Variants in ARHGEF17 observed in about 807,000 individuals in gnomAD.
ARHGEF17 encodes the protein Rho guanine nucleotide exchange factor 17.
ARHGEF17 carries 80 observed loss-of-function variants against 174.0 expected under a neutral mutation model. That is an observed-to-expected ratio of 0.46 (90% CI 0.38 to 0.55). ARHGEF17 has a LOEUF of 0.55. ARHGEF17 is among the 20% of genes least tolerant of loss of function. ARHGEF17 has a pLI of 0.00. For missense variants in ARHGEF17, 2,886 were observed against 2,839.7 expected (o/e 1.02, Z -0.37); for synonymous variants, 1,311 against 1,189.1 (o/e 1.10, Z -2.11).
chr11:73,354,678 C>T (rs1009277005), intron 3 of ARHGEF17, among the ~76,000 whole-genome samples: 14 of 150,058 alleles, frequency 9.3e-5, no homozygotes, highest in African/African-American at 3.4e-4. Flanking sequence ...CGTGCCATTG[C>T]ACACTCCAGC....
rs750712518 is a variant in ARHGEF17 at position 73,363,302 on chromosome 11, G to C, written c.5093G>C (p.Gly1698Ala). 6.2e-7 allele frequency: 1 copy of C among 1,612,608 alleles called. No homozygotes were observed. The highest frequency in any genetic ancestry group is 1.1e-5 in the South Asian group (1 of 91,040). Residue 1698 changes from glycine to alanine, a missense_variant, in exon 15 of 21, where the codon GGG (glycine) becomes GCG (alanine). Physicochemically the swap from Gly to Ala is moderately conservative, Grantham distance 60 (BLOSUM62 0). Around this residue, in one of 4 missense-constraint regions of ARHGEF17, gnomAD observed 476 missense variants for 473.1 expected, o/e 1.01. Transcript: ENST00000263674. ...TTCCTGCCACTGTCTGGCTCCTTTGGGCCTGGTGGTCCCTGCGGCACCAGC... is the reference window on the plus strand; with the variant it reads ...TTCCTGCCACTGTCTGGCTCCTTTGCGCCTGGTGGTCCCTGCGGCACCAGC... ...PGFLPLSGSF[G>A]PGGPCGTSPM...
At chr11:73,339,119 C>T (rs1182536661) in intron 1 of ARHGEF17, among the ~76,000 whole-genome samples, 1 of 152,152 alleles carries the variant, frequency 6.6e-6, no homozygotes, top group Non-Finnish European at 1.5e-5. Flanking sequence ...TGCCCCAGTA[C>T]CGGCATTTCT....
chr11:73,368,028 T>C lies in ARHGEF17; in HGVS notation c.*248T>C, dbSNP rs1865871762. On this transcript the variant is annotated 3_prime_UTR_variant, in exon 21 of 21. Coordinates refer to ENST00000263674, the MANE Select transcript of ARHGEF17 (RefSeq NM_014786.4). ...ATGATCGGGTGGGGGACATGTGGGC[T>C]GACCAGGACCTCTGACCCTGGAGCT... 2.2e-6 allele frequency: 1 copy of C among 457,458 alleles called. No homozygotes were observed. The highest frequency in any genetic ancestry group is 3.6e-5 in the Admixed American group (1 of 27,472). 28.3% of individuals were successfully genotyped at this position (457,458 alleles called of 1,614,324 possible).
chr11:73,362,311 A>G (rs1372289273), intron 13 of ARHGEF17, 72 bp downstream of exon 13: 6 of 1,449,412 alleles, frequency 4.1e-6, no homozygotes, highest in African/African-American at 1.4e-5. Flanking sequence ...GCACACTCTC[A>G]GGCCGCCCCG....
At chr11:73,329,357 A>G (rs1477763828) in intron 1 of ARHGEF17, among the ~76,000 whole-genome samples, 1 of 4,124 alleles carries the variant, frequency 2.4e-4, no homozygotes, top group African/African-American at 1.0e-3. Context: ...ATATATATAT[A>G]TATATATATA....
chr11:73,347,661 G>A (rs767329363), intron 2 of ARHGEF17, among the ~76,000 whole-genome samples: 1 of 152,232 alleles, frequency 6.6e-6, no homozygotes, highest in Non-Finnish European at 1.5e-5. Context: ...CACGCTGTGG[G>A]GGCCTAGAAC....
rs1226152814 is a variant in ARHGEF17, at chr11:73,365,373, TC to T, written c.5551-12del. The T allele has an allele frequency of 6.2e-7, 1 of 1,613,308 alleles. No individual in the cohort carries two copies. Among genetic ancestry groups the T allele is most frequent in the Non-Finnish European group, 8.5e-7 (1 of 1,179,774 alleles). ...GCAGGCCTGCCAATGACCCATCTTC[TC>T]CCCCGCCTTCCCCAGCACATGTTTT... On this transcript the variant is annotated splice_polypyrimidine_tract_variant and intron_variant, in intron 18 of 20. Transcript: ENST00000263674. This position sits in a 1 kb window ranked among gnomAD's most constrained non-coding sequence, Gnocchi z 4.9.
intron 1 of ARHGEF17, among the ~76,000 whole-genome samples, chr11:73,327,890 G>A (rs1438911956): frequency 6.6e-6 from 1 of 152,206 alleles, no homozygotes. Flanking sequence ...TTTGTGGATA[G>A]TCCTGGGTAA....
At chr11:73,341,641 A>G (rs1420720318) in intron 1 of ARHGEF17, among the ~76,000 whole-genome samples, 1 of 152,216 alleles carries the variant, frequency 6.6e-6, no homozygotes, top group East Asian at 1.9e-4. Flanking sequence ...AAGAAAAAGC[A>G]TTACTAGGAG....
rs761146314 is a variant in ARHGEF17, at chr11:73,352,815, C to T, written c.3271-15C>T. 2.5e-5 allele frequency: 40 copies of T among 1,613,510 alleles called. No homozygotes were observed. The highest frequency in any genetic ancestry group is 3.1e-5 in the Non-Finnish European group (37 of 1,179,964). On this transcript the variant is annotated splice_polypyrimidine_tract_variant and intron_variant, in intron 2 of 20. Coordinates refer to ENST00000263674, the MANE Select transcript of ARHGEF17 (RefSeq NM_014786.4). ...ATCTCTGAGGGAGTGTGCACCGACC[C>T]TGTGGGTCCTTCAGGGCTACATGCA...
intron 14 of ARHGEF17, 110 bp downstream of exon 14, chr11:73,362,844 G>A: frequency 1.5e-6 from 2 of 1,343,602 alleles, no homozygotes; most frequent in African/African-American, 1.5e-5. Context: ...TCAGACCTCA[G>A]GATGTTAGCA....
chr11:73,355,505 G>C (rs757275476), intron 3 of ARHGEF17, 28 bp from the exon 4 acceptor site: 2 of 1,544,030 alleles, frequency 1.3e-6, no homozygotes, highest in Admixed American at 3.3e-5. Context: ...ACACCTTGAG[G>C]GTCCCCAACC....
At chr11:73,345,113 C>T (rs1490958982) in intron 1 of ARHGEF17, among the ~76,000 whole-genome samples, 1 of 152,166 alleles carries the variant, frequency 6.6e-6, no homozygotes, top group Non-Finnish European at 1.5e-5. Flanking sequence ...TGGCCCTCCA[C>T]GCTCTCCCAA....
chr11:73,346,214 C>G (rs2134410937), intron 1 of ARHGEF17, among the ~76,000 whole-genome samples: 1 of 152,232 alleles, frequency 6.6e-6, no homozygotes, highest in South Asian at 2.1e-4. Flanking sequence ...CACAGGGTGG[C>G]CAGGATTATT....
chr11:73,355,446 G>A, intron 3 of ARHGEF17, 87 bp from the exon 4 acceptor site: 1 of 816,826 alleles, frequency 1.2e-6, no homozygotes, highest in Admixed American at 2.0e-5. Flanking sequence ...GGAAAAGATG[G>A]TGACTCATGA....
intron 1 of ARHGEF17, among the ~76,000 whole-genome samples, chr11:73,325,213 C>G (rs2135792472): frequency 6.6e-6 from 1 of 152,324 alleles, no homozygotes; most frequent in South Asian, 2.1e-4. Context: ...GCAGCCAGCC[C>G]AAACCTCCCC....
At position 73,308,853 on chromosome 11, in the gene ARHGEF17, C is replaced by T. The variant is rs1352030486; in HGVS notation, c.215C>T (p.Pro72Leu). 3 of 1,342,436 alleles carry T rather than the reference C, an allele frequency of 2.2e-6. No individual in the cohort carries two copies. The highest frequency in any genetic ancestry group is 2.8e-6 in the Non-Finnish European group (3 of 1,053,992). 83.2% of individuals were successfully genotyped at this position (1,342,436 alleles called of 1,614,324 possible). ...GGGCCCCTGGCCGCCCCCGCGCAGC[C>T]GCGCCCGCTCCGCAGCCTCTCGCCG... ...ASGPLAAPAQ[P>L]RPLRSLSPSV... The change falls in exon 1 of 21, where the codon CCG (proline) becomes CTG (leucine). Residue 72 changes from proline to leucine, a missense_variant. Physicochemically the swap from Pro to Leu is moderately conservative, Grantham distance 98 (BLOSUM62 -3). Around this residue, in one of 4 missense-constraint regions of ARHGEF17, gnomAD observed 1,728 missense variants for 1,461.2 expected, o/e 1.18. Transcript: ENST00000263674.
chr11:73,322,799 C>T (rs1191202374), intron 1 of ARHGEF17, among the ~76,000 whole-genome samples: 3 of 152,084 alleles, frequency 2.0e-5, no homozygotes, highest in Admixed American at 6.5e-5. Flanking sequence ...GCTGGGAGCA[C>T]TGCCAGCTTT....
In ARHGEF17 at chr11:73,308,584, G is replaced by C. The variant is rs1864730733; in HGVS notation, c.-55G>C. On this transcript the variant is annotated 5_prime_UTR_variant, in exon 1 of 21. Transcript: ENST00000263674. The stretch of plus-strand genomic sequence containing the variant: ...GCGCTCCTAGGGAGTGGGGGCGCAG[G>C]GGGGGTTGGCCGCGGCTGCCCGAGG... The C allele has an allele frequency of 5.9e-6, 8 of 1,365,316 alleles. No individual in the cohort carries two copies. The highest frequency in any genetic ancestry group is 6.2e-5 in the East Asian group (2 of 32,298). The allele number at this position is 1,365,316 out of a possible 1,614,324, so 84.6% of individuals were successfully genotyped here.
Sources: allele counts gnomAD v4.1 joint callset (sites outside exome capture counted in the v4.1 genomes callset), GRCh38; gene constraint gnomAD v4.1.1; regional missense constraint gnomAD v4.1.1; non-coding constraint Gnocchi (gnomAD v3.1); transcripts MANE v1.5; gene names NCBI Gene and HGNC (gene_info 2026-07-23, HGNC 2026-07-21).